IGHMBP2: variants seen among roughly 807,000 people sequenced by gnomAD.
The protein encoded by IGHMBP2 is DNA-binding protein SMUBP-2.
IGHMBP2 carries 81 observed loss-of-function variants against 96.0 expected under a neutral mutation model. The ratio of observed to expected loss-of-function variants is 0.84; its 90% confidence interval spans 0.71 to 1.01. The LOEUF is 1.01. Ranked by LOEUF, IGHMBP2 falls within the 50% of genes least tolerant of loss-of-function variation. IGHMBP2 has a pLI of 0.00. For synonymous variants in IGHMBP2, 557 were observed against 548.9 expected (o/e 1.01, Z -0.21); for missense variants, 1,227 against 1,306.3 (o/e 0.94, Z 0.94).
At chr11:68,932,937 T>TA (rs1347024806) in intron 8 of IGHMBP2, 2 of 341,636 alleles carry the variant, frequency 5.9e-6, no homozygotes, top group Non-Finnish European at 1.1e-5. Flanking sequence ...CCAGCCGTGT[T>TA]ACGTCTTCAA....
chr11:68,911,706 G>A (rs755942441), intron 5 of IGHMBP2, 103 bp downstream of exon 5: 1 of 1,061,888 alleles, frequency 9.4e-7, no homozygotes, highest in Non-Finnish European at 1.4e-6. Flanking sequence ...GGTGGGATGG[G>A]TCAGGAACAT....
intron 1 of IGHMBP2, 76 bp from the exon 2 acceptor site, chr11:68,905,993 C>T: frequency 7.1e-7 from 1 of 1,408,850 alleles, no homozygotes; most frequent in Non-Finnish European, 1.0e-6. Context: ...ATGTTTCTTT[C>T]TCTTTTACTT....
At chr11:68,938,772 G>A (rs373196988) in intron 14 of IGHMBP2, among the ~76,000 whole-genome samples, 5 of 152,274 alleles carry the variant, frequency 3.3e-5, no homozygotes, top group South Asian at 2.1e-4. Context: ...AGGTGTGGGC[G>A]CCTGTGGAAA....
chr11:68,914,724 T>A (rs1858579748), intron 5 of IGHMBP2, 99 bp from the exon 6 acceptor site: 9 of 1,248,422 alleles, frequency 7.2e-6, no homozygotes, highest in Non-Finnish European at 1.1e-5. Flanking sequence ...GTACATGCCT[T>A]GTGCTTCTTT....
At chr11:68,939,231 G>T (rs1437786040) in intron 14 of IGHMBP2, among the ~76,000 whole-genome samples, 1 of 152,150 alleles carries the variant, frequency 6.6e-6, no homozygotes, top group Non-Finnish European at 1.5e-5. Flanking sequence ...CACCAGTCTT[G>T]GCTGCAGTGT....
rs1167911577 is a variant in IGHMBP2, at chr11:68,917,872, C to T, written c.1049C>T (p.Ala350Val). The change falls in exon 7 of 15, where the codon GCA (alanine) becomes GTA (valine). Residue 350 changes from alanine to valine, a missense_variant. Ala to Val is a moderately conservative substitution (Grantham distance 64). Around this residue, in one of 3 missense-constraint regions of IGHMBP2, gnomAD observed 507 missense variants for 496.9 expected, o/e 1.02. Transcript: ENST00000255078. ...ESLTSANVVL[A>V]TNTGASADGP... ...CTCACTTCGGCAAACGTGGTCCTTG[C>T]AACAAACACAGGTGAGGGGGCGTCT... 1.2e-6 allele frequency: 2 copies of T among 1,613,924 alleles called. No homozygotes were observed. Among genetic ancestry groups the T allele is most frequent in the Admixed American group, 3.3e-5 (2 of 60,000 alleles).
Position 68,940,151 on chromosome 11 carries a change from C to T in IGHMBP2, c.*420C>T, listed in dbSNP as rs1229628115. 3 of 196,162 alleles carry T rather than the reference C, an allele frequency of 1.5e-5. No homozygotes were observed. Among genetic ancestry groups the T allele is most frequent in the East Asian group, 1.4e-4 (1 of 7,348 alleles). 12.2% of individuals were successfully genotyped at this position (196,162 alleles called of 1,614,324 possible). ...TGAGAGGAAACAGGAAACAAGACTGCGAATGGCGCTCAGGCAGGGAGCAGG... is the reference window on the plus strand; with the variant it reads ...TGAGAGGAAACAGGAAACAAGACTGTGAATGGCGCTCAGGCAGGGAGCAGG... On this transcript the variant is annotated 3_prime_UTR_variant, in exon 15 of 15. Transcript: ENST00000255078.
intron 1 of IGHMBP2, among the ~76,000 whole-genome samples, chr11:68,905,754 C>G (rs958031502): frequency 3.9e-5 from 6 of 152,086 alleles, no homozygotes; most frequent in African/African-American, 1.4e-4. Flanking sequence ...CTGTGGCAGC[C>G]AGGATGAGAG....
chr11:68,935,528 T>C (rs986411114), intron 12 of IGHMBP2, 106 bp downstream of exon 12: 54 of 1,346,736 alleles, frequency 4.0e-5, no homozygotes, highest in Non-Finnish European at 5.5e-5. Context: ...TCTGGCAGTG[T>C]GCTCATGGTG....
chr11:68,939,690 A>T lies in IGHMBP2; in HGVS notation c.2941A>T (p.Ser981Cys). Residue 981 changes from serine (S) to cysteine (C), a missense_variant, in exon 15 of 15, where the codon AGC becomes TGC. By Grantham distance (112) the Ser-to-Cys change is moderately radical. Around this residue, in one of 3 missense-constraint regions of IGHMBP2, gnomAD observed 703 missense variants for 770.3 expected, o/e 0.91. Transcript: ENST00000255078. ...RRLDKKLSELSNQRTSRRKER... is the reference protein window; with the variant it reads ...RRLDKKLSELCNQRTSRRKER... ...GCTGGATAAGAAGCTGAGTGAGCTC[A>T]GCAACCAGAGGACCAGCCGGAGGAA... 6.2e-7 allele frequency: 1 copy of T among 1,612,538 alleles called. No individual in the cohort carries two copies. The highest frequency in any genetic ancestry group is 1.1e-5 in the South Asian group (1 of 90,908).
chr11:68,919,310 C>T (rs1858793548), intron 7 of IGHMBP2, among the ~76,000 whole-genome samples: 1 of 151,166 alleles, frequency 6.6e-6, no homozygotes, highest in Admixed American at 6.6e-5. Flanking sequence ...CCTTCCCTAT[C>T]CCCATCCCCA....
intron 10 of IGHMBP2, 86 bp from the exon 11 acceptor site, chr11:68,934,374 TAGAC>T: frequency 2.2e-6 from 2 of 898,728 alleles, no homozygotes; most frequent in South Asian, 2.8e-5. Context: ...CTGGCCATGA[TAGAC>T]AGAAACGTGC....
At chr11:68,905,922 A>G in intron 1 of IGHMBP2, 147 bp from the exon 2 acceptor site, 1 of 821,744 alleles carries the variant, frequency 1.2e-6, no homozygotes, top group Non-Finnish European at 2.1e-6. Context: ...CGGGATTGGG[A>G]GTGGAGCCAA....
At chr11:68,915,944 T>G (rs1594429220) in intron 6 of IGHMBP2, among the ~76,000 whole-genome samples, 1 of 151,118 alleles carries the variant, frequency 6.6e-6, no homozygotes. Context: ...GAGGCCGAGG[T>G]GGGCGGAACA....
chr11:68,931,484 C>T (rs914879887), intron 8 of IGHMBP2, among the ~76,000 whole-genome samples: 9 of 152,260 alleles, frequency 5.9e-5, no homozygotes, highest in Middle Eastern at 3.4e-3. Flanking sequence ...CTAAGAGCAC[C>T]GGGAGACGCA....
intron 13 of IGHMBP2, among the ~76,000 whole-genome samples, 195 bp downstream of exon 13, chr11:68,937,286 G>C (rs1005998375): frequency 1.3e-5 from 2 of 152,146 alleles, no homozygotes; most frequent in Non-Finnish European, 2.9e-5. Flanking sequence ...TCAGGTCACG[G>C]GCACCTTCTT....
At position 68,908,620 on chromosome 11, in the gene IGHMBP2, C is replaced by G; in HGVS notation, c.536C>G (p.Ala179Gly). 6.2e-7 allele frequency: 1 copy of G among 1,610,236 alleles called. No homozygotes were observed. Among genetic ancestry groups the G allele is most frequent in the Non-Finnish European group, 8.5e-7 (1 of 1,176,546 alleles). The change falls in exon 4 of 15, where the codon GCC becomes GGC. Residue 179 changes from alanine to glycine, a missense_variant. Ala to Gly is a moderately conservative substitution (Grantham distance 60, BLOSUM62 0). This residue lies in a region of IGHMBP2 where 507 missense variants were observed against 496.9 expected (regional missense o/e 1.02). Coordinates refer to ENST00000255078, the MANE Select transcript of IGHMBP2 (RefSeq NM_002180.3). Reference sequence around the variant, plus strand: ...TTTGGCAGATCTGCTCCCAGTCCTGCCAGTGAAATACGTAAGAACTTCTGA... The same window carrying G: ...TTTGGCAGATCTGCTCCCAGTCCTGGCAGTGAAATACGTAAGAACTTCTGA... ...VLFGRSAPSP[A>G]SEIHPLTFFN...
At position 68,933,922 on chromosome 11, in the gene IGHMBP2, G is replaced by C. The variant is rs1859419581; in HGVS notation, c.1537+9G>C. 2 of 1,557,356 alleles carry C rather than the reference G, an allele frequency of 1.3e-6. No homozygotes were observed. The highest frequency in any genetic ancestry group is 1.8e-6 in the Non-Finnish European group (2 of 1,140,402). ...GTCGAAAGGGAACCCTGGTGAGCTT[G>C]CTTGCAGATGGCCAGCTTTTTTGTT... On this transcript the variant is annotated intron_variant, in intron 10 of 14. Coordinates refer to ENST00000255078, the MANE Select transcript of IGHMBP2 (RefSeq NM_002180.3).
rs1465796109 is a variant in IGHMBP2 at position 68,906,094 on chromosome 11, A to G, written c.112A>G (p.Lys38Glu). 1 of 1,614,068 alleles carries G rather than the reference A, an allele frequency of 6.2e-7. No homozygotes were observed. The highest frequency in any genetic ancestry group is 8.5e-7 in the Non-Finnish European group (1 of 1,180,032). ...RRSWQENISL[K>E]ELQSRGVCLL... ...GTCCTGGCAGGAGAACATCTCTCTGAAAGAGCTCCAGAGCCGAGGCGTGTG... is the reference window on the plus strand; with the variant it reads ...GTCCTGGCAGGAGAACATCTCTCTGGAAGAGCTCCAGAGCCGAGGCGTGTG... The change falls in exon 2 of 15, where the codon AAA (lysine) becomes GAA (glutamate). Residue 38 changes from lysine to glutamate, a missense_variant. By Grantham distance (56) the Lys-to-Glu change is moderately conservative. Transcript: ENST00000255078.
Sources: gnomAD v4.1 joint callset for allele counts (sites outside exome capture counted in the v4.1 genomes callset) on GRCh38, gnomAD v4.1.1 for gene constraint, gnomAD v4.1.1 regional missense constraint, MANE v1.5 for transcripts, NCBI Gene and HGNC (gene_info 2026-07-23, HGNC 2026-07-21) for gene names.